Variants in GTF2IRD1 observed in about 807,000 individuals in gnomAD.
GTF2IRD1 encodes the protein general transcription factor II-I repeat domain-containing protein 1.
In GTF2IRD1, 26 loss-of-function variants were observed where a neutral mutation model predicts 113.2. The observed-to-expected ratio is 0.23, with a 90% CI of 0.17 to 0.32. The LOEUF is 0.32. Among genes scored for constraint, GTF2IRD1 ranks in the 10% least tolerant of loss-of-function variants. GTF2IRD1 has a pLI of 1.00. For missense variants in GTF2IRD1, 864 were observed against 1,280.8 expected (o/e 0.67, Z 4.97); for synonymous variants, 484 against 529.1 (o/e 0.91, Z 1.17).
rs782608942 is a variant in GTF2IRD1 at position 74,508,165 on chromosome 7, G to A, written c.85G>A (p.Glu29Lys). Residue 29 changes from glutamate to lysine, a missense_variant, in exon 2 of 27, where the codon GAG (glutamate) becomes AAG (lysine). Physicochemically the swap from Glu to Lys is moderately conservative, Grantham distance 56. Transcript: ENST00000424337. ...GAACTCCGCGTTCACCCGCAAAGAC[G>A]AGATCATCACCAGCCTCGTGTCTGC... ...RWNSAFTRKD[E>K]IITSLVSALD... is the part of the protein sequence containing the mutation. 1.9e-6 allele frequency: 3 copies of A among 1,612,942 alleles called. No individual in the cohort carries two copies. Among genetic ancestry groups the A allele is most frequent in the Non-Finnish European group, 2.5e-6 (3 of 1,179,990 alleles).
At chr7:74,509,478 A>C (rs1796496940) in intron 2 of GTF2IRD1, among the ~76,000 whole-genome samples, 1 of 151,368 alleles carries the variant, frequency 6.6e-6, no homozygotes, top group Admixed American at 6.6e-5. Flanking sequence ...GGTTGCAGCG[A>C]ACCGAGATCG....
chr7:74,515,569 G>A lies in GTF2IRD1; in HGVS notation c.394G>A (p.Val132Ile). 6.2e-7 allele frequency: 1 copy of A among 1,613,172 alleles called. No homozygotes were observed. The highest frequency in any genetic ancestry group is 8.5e-7 in the Non-Finnish European group (1 of 1,179,302). Residue 132 changes from valine (V) to isoleucine (I), a missense_variant, in exon 4 of 27, where the codon GTA becomes ATA. By Grantham distance (29) the Val-to-Ile change is conservative. Coordinates refer to ENST00000424337, the MANE Select transcript of GTF2IRD1 (RefSeq NM_005685.4). Reference sequence around the variant, plus strand: ...AGATGTGTACCTTCTGCGGAAGATGGTAGAGGAGGTGTTTGATGTTCTTTA... The same window carrying A: ...AGATGTGTACCTTCTGCGGAAGATGATAGAGGAGGTGTTTGATGTTCTTTA... ...GSDVYLLRKM[V>I]EEVFDVLYSE... is the part of the protein sequence containing the mutation.
chr7:74,588,477 C>G (rs1801862557), intron 22 of GTF2IRD1, among the ~76,000 whole-genome samples: 1 of 152,016 alleles, frequency 6.6e-6, no homozygotes. Flanking sequence ...TTCCCACTGC[C>G]ACTCCGTCCT....
chr7:74,531,736 TG>T (rs1330327820), intron 9 of GTF2IRD1, among the ~76,000 whole-genome samples: 1 of 149,028 alleles, frequency 6.7e-6, no homozygotes, highest in Non-Finnish European at 1.5e-5. Context: ...AAAAAAAAAG[TG>T]GGGGGAGCCA....
chr7:74,503,491 G>A lies in GTF2IRD1; in HGVS notation c.-6-4584G>A, dbSNP rs2003505. Among the ~76,000 whole-genome samples the A allele has an allele frequency of 8.2e-4, 125 of 152,316 alleles. 2 individuals are homozygous for A. The South Asian group carries it at 0.025, about 31-fold the overall frequency. ...AATATTTCAGCTTTTAGGCCGGGCT[G>A]TAATCCCAGCACTTTGGGAGGCCAA... is the stretch of plus-strand genomic sequence containing the variant. On this transcript the variant is annotated intron_variant, in intron 1 of 26. Coordinates refer to ENST00000424337, the MANE Select transcript of GTF2IRD1 (RefSeq NM_005685.4).
chr7:74,504,240 A>G (rs1189047568), intron 1 of GTF2IRD1, among the ~76,000 whole-genome samples: 1 of 31,856 alleles, frequency 3.1e-5, no homozygotes, highest in East Asian at 9.2e-4. Context: ...CACCTTATTA[A>G]GGGAAGTTGA....
chr7:74,485,977 C>CTT (rs201871259), intron 1 of GTF2IRD1, among the ~76,000 whole-genome samples: 4 of 145,640 alleles, frequency 2.7e-5, no homozygotes, highest in African/African-American at 7.5e-5. Flanking sequence ...GAATCTGTTT[C>CTT]TTTTTTTTTT....
intron 1 of GTF2IRD1, among the ~76,000 whole-genome samples, chr7:74,505,695 G>T (rs1796263367): frequency 6.6e-6 from 1 of 152,234 alleles, no homozygotes; most frequent in Non-Finnish European, 1.5e-5. Context: ...TCTGGGAATG[G>T]TTCAAGGGAC....
intron 26 of GTF2IRD1, 37 bp downstream of exon 26, chr7:74,601,217 C>T (rs1338735465): frequency 3.2e-6 from 5 of 1,554,350 alleles, no homozygotes; most frequent in Non-Finnish European, 3.5e-6. Flanking sequence ...GCACTCATCT[C>T]TGTGGCCCTC....
rs1196217690 is a variant in GTF2IRD1 at position 74,508,221 on chromosome 7, C to T, written c.123+18C>T. The T allele has an allele frequency of 1.9e-6, 3 of 1,607,832 alleles. No individual in the cohort carries two copies. The highest frequency in any genetic ancestry group is 1.1e-5 in the South Asian group (1 of 90,720). On this transcript the variant is annotated intron_variant, in intron 2 of 26. Transcript: ENST00000424337. ...ACTCCATGGTGAGTGTCCCCACCCA[C>T]CCAAGAGGAGGGGACAGGGTGAGCG...
At chr7:74,456,368 T>C (rs1355985760) in intron 1 of GTF2IRD1, among the ~76,000 whole-genome samples, 1 of 152,170 alleles carries the variant, frequency 6.6e-6, no homozygotes, top group Non-Finnish European at 1.5e-5. Flanking sequence ...GACCACTCAC[T>C]GCTTCCTCAG....
intron 22 of GTF2IRD1, among the ~76,000 whole-genome samples, chr7:74,585,810 A>G (rs1338862921): frequency 6.6e-6 from 1 of 151,972 alleles, no homozygotes; most frequent in East Asian, 1.9e-4. Context: ...TGAACCCAGC[A>G]GGCAGAGGTT....
At chr7:74,559,144 C>G in intron 21 of GTF2IRD1, 100 bp downstream of exon 21, 1 of 1,138,798 alleles carries the variant, frequency 8.8e-7, no homozygotes, top group Non-Finnish European at 1.3e-6. Context: ...GCCCTCCCCC[C>G]TGGACAAGGT....
intron 14 of GTF2IRD1, among the ~76,000 whole-genome samples, chr7:74,543,983 A>G (rs1798781284): frequency 6.6e-6 from 1 of 150,918 alleles, no homozygotes; most frequent in East Asian, 1.9e-4. Flanking sequence ...CAAGAGGTTG[A>G]GGCTGTAGTG....
intron 22 of GTF2IRD1, among the ~76,000 whole-genome samples, chr7:74,587,401 G>A (rs587595506): frequency 6.6e-6 from 1 of 152,002 alleles, no homozygotes; most frequent in African/African-American, 2.4e-5. Flanking sequence ...CCGAGACCGT[G>A]CCACTGCACT....
rs1407616617 is a variant in GTF2IRD1, at chr7:74,509,670, T to C, written c.123+1467T>C. The stretch of plus-strand genomic sequence containing the variant: ...TCACACAGCATGACCAGTTTTGTTT[T>C]GTTTTGTTTTGTTTTGTTTTTGAGA... On this transcript the variant is annotated intron_variant, in intron 2 of 26. Transcript: ENST00000424337. Among the ~76,000 whole-genome samples, 6 of 152,112 alleles carry C rather than the reference T, an allele frequency of 3.9e-5. No homozygotes were observed. The South Asian group carries it at 1.2e-3, about 32-fold the overall frequency.
chr7:74,597,359 T>C (rs1385188272), intron 25 of GTF2IRD1, among the ~76,000 whole-genome samples: 3 of 141,582 alleles, frequency 2.1e-5, no homozygotes, highest in African/African-American at 5.4e-5. Flanking sequence ...TTTTTTTTTT[T>C]CTTTCAAGAC....
rs138127860 is a variant in GTF2IRD1, at chr7:74,470,992, A to G, written c.-7+16816A>G. Among the ~76,000 whole-genome samples the G allele has an allele frequency of 2.2e-3, 330 of 152,092 alleles. 2 individuals are homozygous for G. Among genetic ancestry groups the G allele is most frequent in the African/African-American group, 7.6e-3 (315 of 41,476 alleles). On this transcript the variant is annotated intron_variant, in intron 1 of 26. Coordinates refer to ENST00000424337, the MANE Select transcript of GTF2IRD1 (RefSeq NM_005685.4). ...AATTTTTTTTGTATTTTTAGTAGAG[A>G]TGGGATTTCGCCATGCTGGCCAGGC... is the stretch of plus-strand genomic sequence containing the variant.
chr7:74,587,302 G>A (rs782226854), intron 22 of GTF2IRD1, among the ~76,000 whole-genome samples: 2 of 151,922 alleles, frequency 1.3e-5, no homozygotes, highest in African/African-American at 2.4e-5. Flanking sequence ...AAAATTAACC[G>A]GACGTTGTGG....
Sources: gnomAD v4.1 joint callset for allele counts (sites outside exome capture counted in the v4.1 genomes callset) on GRCh38, gnomAD v4.1.1 for gene constraint, MANE v1.5 for transcripts, NCBI Gene and HGNC (gene_info 2026-07-23, HGNC 2026-07-21) for gene names.